Variants in TMEM131L observed in about 807,000 individuals in gnomAD.
TMEM131L encodes transmembrane protein 131-like.
Under a neutral mutation model 192.2 loss-of-function variants are expected in TMEM131L, and 54 were observed. That is an observed-to-expected ratio of 0.28 (90% CI 0.23 to 0.35). The LOEUF is 0.35. Ranked by LOEUF, TMEM131L falls within the 10% of genes least tolerant of loss-of-function variation. TMEM131L has a pLI of 1.00. For synonymous variants in TMEM131L, 701 were observed against 704.9 expected, an observed-to-expected ratio of 0.99 and a Z score of 0.09; for missense variants, 1,888 against 1,972.9, an observed-to-expected ratio of 0.96 and a Z score of 0.82.
chr4:153,631,071 A>G (rs777842468), intron 31 of TMEM131L, among the ~76,000 whole-genome samples: 1 of 152,248 alleles, frequency 6.6e-6, no homozygotes, highest in African/African-American at 2.4e-5. Flanking sequence ...AGAATTAGCC[A>G]GAGCTGTGAG....
chr4:153,596,271 A>G lies in TMEM131L; in HGVS notation c.2009A>G (p.Glu670Gly). 3.7e-6 allele frequency: 6 copies of G among 1,613,868 alleles called. No homozygotes were observed. The highest frequency in any genetic ancestry group is 5.1e-6 in the Non-Finnish European group (6 of 1,179,780). Reference sequence around the variant, plus strand: ...GTTAATTTGCAGGGTACGCATTCTGAGGAATCCAGGTTTGGCATCCTCCAC... The same window carrying G: ...GTTAATTTGCAGGGTACGCATTCTGGGGAATCCAGGTTTGGCATCCTCCAC... ...EACPYLGTHS[E>G]ESRFGILHLH... The change falls in exon 20 of 35, where the codon GAG becomes GGG. Residue 670 changes from glutamate to glycine, a missense_variant. By Grantham distance (98) the Glu-to-Gly change is moderately conservative (BLOSUM62 -2). Transcript: ENST00000409959.
At chr4:153,635,829 A>G (rs1415976204) in intron 34 of TMEM131L, among the ~76,000 whole-genome samples, 5 of 152,154 alleles carry the variant, frequency 3.3e-5, no homozygotes, top group African/African-American at 4.8e-5. Context: ...ACACCAAGCA[A>G]TGGTCCTTTG....
intron 26 of TMEM131L, among the ~76,000 whole-genome samples, chr4:153,614,885 C>T (rs1266055106): frequency 6.6e-6 from 1 of 152,184 alleles, no homozygotes; most frequent in African/African-American, 2.4e-5. Context: ...ACCATCAGGA[C>T]TTCTTAGCAC....
chr4:153,598,500 T>G, intron 20 of TMEM131L, 90 bp from the exon 21 acceptor site: 1 of 1,159,354 alleles, frequency 8.6e-7, no homozygotes, highest in Non-Finnish European at 1.2e-6. Flanking sequence ...TTTAAAAATA[T>G]TCTTGATAAC....
intron 26 of TMEM131L, among the ~76,000 whole-genome samples, chr4:153,616,444 T>C (rs1256900632): frequency 1.3e-5 from 2 of 152,262 alleles, no homozygotes; most frequent in East Asian, 3.8e-4. Flanking sequence ...TAGAGCCTAA[T>C]TTTGCAGCTT....
chr4:153,470,597 A>G (rs181835050), intron 2 of TMEM131L, among the ~76,000 whole-genome samples: 1 of 152,378 alleles, frequency 6.6e-6, no homozygotes, highest in East Asian at 1.9e-4. Flanking sequence ...GTACTTGAAC[A>G]CACTGAATGC....
At chr4:153,620,649 C>T in intron 26 of TMEM131L, 107 bp from the exon 27 acceptor site, 2 of 615,480 alleles carry the variant, frequency 3.2e-6, no homozygotes, top group South Asian at 2.6e-5. Flanking sequence ...CAGTTTTCAA[C>T]AGCACTGGGA....
chr4:153,596,781 CTT>C (rs1416288743), intron 20 of TMEM131L, among the ~76,000 whole-genome samples: 1 of 152,174 alleles, frequency 6.6e-6, no homozygotes, highest in Non-Finnish European at 1.5e-5. Context: ...ACTTTCATCT[CTT>C]TTTTGCTCCT....
chr4:153,523,477 T>G (rs1735258914), intron 3 of TMEM131L, among the ~76,000 whole-genome samples: 1 of 152,238 alleles, frequency 6.6e-6, no homozygotes, highest in Non-Finnish European at 1.5e-5. Flanking sequence ...AGCACTACAT[T>G]GTTTAGGAGG....
intron 7 of TMEM131L, among the ~76,000 whole-genome samples, chr4:153,575,209 C>T (rs569845570): frequency 6.6e-6 from 1 of 152,274 alleles, no homozygotes; most frequent in East Asian, 1.9e-4. Flanking sequence ...CACACAGTCC[C>T]CCCAAATCAC....
intron 3 of TMEM131L, among the ~76,000 whole-genome samples, chr4:153,489,754 G>A (rs1481043467): frequency 6.6e-6 from 1 of 151,904 alleles, no homozygotes; most frequent in African/African-American, 2.4e-5. Context: ...GAAATTACAG[G>A]TGTGAGCCAC....
At chr4:153,499,501 AC>A (rs1393044472) in intron 3 of TMEM131L, among the ~76,000 whole-genome samples, 3 of 149,552 alleles carry the variant, frequency 2.0e-5, no homozygotes, top group Non-Finnish European at 3.0e-5. Context: ...ATCTCAGCTC[AC>A]TACAACCTCT....
chr4:153,576,534 G>A (rs1160458289), intron 7 of TMEM131L, among the ~76,000 whole-genome samples: 1 of 152,102 alleles, frequency 6.6e-6, no homozygotes, highest in Non-Finnish European at 1.5e-5. Context: ...ATTACTCTGC[G>A]AAATAGGGTT....
At chr4:153,483,849 C>G (rs536363715) in intron 3 of TMEM131L, among the ~76,000 whole-genome samples, 1 of 152,042 alleles carries the variant, frequency 6.6e-6, no homozygotes, top group Non-Finnish European at 1.5e-5. Flanking sequence ...GCTGACATTT[C>G]GGCTTCTCTT....
chr4:153,522,470 C>T (rs746095597), intron 3 of TMEM131L, among the ~76,000 whole-genome samples: 2 of 151,996 alleles, frequency 1.3e-5, no homozygotes, highest in African/African-American at 2.4e-5. Flanking sequence ...GCAGAGGGAC[C>T]GCCCTCTGGG....
At chr4:153,534,633 C>G (rs1318688838) in intron 3 of TMEM131L, among the ~76,000 whole-genome samples, 1 of 152,094 alleles carries the variant, frequency 6.6e-6, no homozygotes, top group Non-Finnish European at 1.5e-5. Context: ...CGGGATTTCA[C>G]CATGTTAGCC....
At chr4:153,469,173 T>C (rs1252374916) in intron 2 of TMEM131L, among the ~76,000 whole-genome samples, 1 of 152,254 alleles carries the variant, frequency 6.6e-6, no homozygotes, top group African/African-American at 2.4e-5. Flanking sequence ...GAGGGATTTA[T>C]AGCTAAGCTA....
At chr4:153,479,339 C>A (rs920746684) in intron 3 of TMEM131L, among the ~76,000 whole-genome samples, 1 of 152,204 alleles carries the variant, frequency 6.6e-6, no homozygotes, top group Admixed American at 6.5e-5. Context: ...TCCTCTTCAT[C>A]CCCATTTTTC....
At chr4:153,572,993 C>T (rs895575539) in intron 7 of TMEM131L, among the ~76,000 whole-genome samples, 1 of 152,198 alleles carries the variant, frequency 6.6e-6, no homozygotes, top group Non-Finnish European at 1.5e-5. Flanking sequence ...TTTCATTTTG[C>T]ATAATGTCTT....
Sources: gnomAD v4.1 joint callset for allele counts (sites outside exome capture counted in the v4.1 genomes callset) on GRCh38, gnomAD v4.1.1 for gene constraint, MANE v1.5 for transcripts, NCBI Gene and HGNC (gene_info 2026-07-23, HGNC 2026-07-21) for gene names.